The following CHRNA1 variants were observed in gnomAD, a reference collection of about 807,000 sequenced individuals.
The protein encoded by CHRNA1 is cholinergic receptor nicotinic alpha 1 subunit, also known as acetylcholine receptor subunit alpha.
CHRNA1 carries 35 observed loss-of-function variants against 47.1 expected under a neutral mutation model. The ratio of observed to expected loss-of-function variants is 0.74; its 90% confidence interval spans 0.57 to 0.99. The LOEUF (loss-of-function observed/expected upper bound fraction) is 0.99, where lower values mean the gene tolerates loss of function less well. Among genes scored for constraint, CHRNA1 ranks in the 50% least tolerant of loss-of-function variants. The pLI is 0.00. For missense variants in CHRNA1, 506 were observed against 591.1 expected (o/e 0.86, Z 1.49); for synonymous variants, 229 against 223.6 (o/e 1.02, Z -0.22).
Position 174,757,635 on chromosome 2 carries a change from T to C in CHRNA1, c.275A>G (p.Tyr92Cys). ...DYNLKWNPDD[Y>C]GGVKKIHIPS... ...AATGTGAATTTTTTTCACACCGCCA[T>C]AGTCATCTGGATTCCATTTTAGGTT... is the stretch of plus-strand genomic sequence containing the variant. The change falls in exon 4 of 9, where the codon TAT becomes TGT. Residue 92 changes from tyrosine (Y) to cysteine (C), a missense_variant. By Grantham distance (194) the Tyr-to-Cys change is radical (BLOSUM62 -2). Coordinates refer to ENST00000348749, the MANE Select transcript of CHRNA1 (RefSeq NM_000079.4). The C allele has an allele frequency of 1.2e-6, 2 of 1,614,182 alleles. No individual in the cohort carries two copies. Among genetic ancestry groups the C allele is most frequent in the Non-Finnish European group, 1.7e-6 (2 of 1,180,010 alleles).
chr2:174,758,111 A>C, intron 3 of CHRNA1: 1 of 1,594,532 alleles, frequency 6.3e-7, no homozygotes, highest in Non-Finnish European at 8.6e-7. Context: ...ATATTTTTCT[A>C]CATTATAAAA....
chr2:174,758,968 G>GC lies in CHRNA1; in HGVS notation c.234+362_234+363insG, dbSNP rs201399780. 6.5e-3 allele frequency among the ~76,000 whole-genome samples: 988 copies of GC among 152,208 alleles called. 10 individuals are homozygous for GC. Among genetic ancestry groups the GC allele is most frequent in the African/African-American group, 0.023 (942 of 41,500 alleles). The stretch of plus-strand genomic sequence containing the variant: ...AGAACGCCATCTGAACATAAAGACA[G>GC]TCATCTACAAGCTGAAGAGAGAGTC... On this transcript the variant is annotated intron_variant, in intron 3 of 8. Transcript: ENST00000348749.
intron 4 of CHRNA1, among the ~76,000 whole-genome samples, chr2:174,755,621 T>C (rs1405814957): frequency 6.6e-6 from 1 of 152,100 alleles, no homozygotes; most frequent in Non-Finnish European, 1.5e-5. Flanking sequence ...GGTTTCACCA[T>C]GTTAGCCAGG....
intron 6 of CHRNA1, among the ~76,000 whole-genome samples, chr2:174,751,646 T>A (rs1199975237): frequency 6.6e-6 from 1 of 151,946 alleles, no homozygotes; most frequent in Non-Finnish European, 1.5e-5. Context: ...TGCTAAGTGC[T>A]TTTCTTTTTT....
chr2:174,753,636 G>A lies in CHRNA1; in HGVS notation c.645C>T (p.Asp215=), dbSNP rs761217101. ...GGTAGGTGATGTCCAGGTAGGGGGTGTCGGGGCAGCAGGAATAGGTCACGG... is the reference window on the plus strand; with the variant it reads ...GGTAGGTGATGTCCAGGTAGGGGGTATCGGGGCAGCAGGAATAGGTCACGG... The part of the protein sequence containing the change: ...KHSVTYSCCP[D]TPYLDITYHF... The change falls in exon 6 of 9, where the codon GAC becomes GAT. Residue 215 remains aspartate, a synonymous_variant. Coordinates refer to ENST00000348749, the MANE Select transcript of CHRNA1 (RefSeq NM_000079.4). The A allele has an allele frequency of 6.2e-7, 1 of 1,614,046 alleles. No homozygotes were observed. Among genetic ancestry groups the A allele is most frequent in the Non-Finnish European group, 8.5e-7 (1 of 1,180,038 alleles).
chr2:174,750,143 C>T lies in CHRNA1; in HGVS notation c.805G>A (p.Val269Ile), dbSNP rs137852803. 6.2e-7 allele frequency: 1 copy of T among 1,608,632 alleles called. No individual in the cohort carries two copies. The highest frequency in any genetic ancestry group is 1.1e-5 in the South Asian group (1 of 90,868). The change falls in exon 7 of 9, where the codon GTC (valine) becomes ATC (isoleucine). Residue 269 changes from valine (V) to isoleucine (I), a missense_variant. Coordinates refer to ENST00000348749, the MANE Select transcript of CHRNA1 (RefSeq NM_000079.4). ...SGEKMTLSIS[V>I]LLSLTVFLLV... Reference sequence around the variant, plus strand: ...AGGAACACAGTCAAAGACAGTAAGACAGAGATGCTCAGAGTCATCTTCTCC... The same window carrying T: ...AGGAACACAGTCAAAGACAGTAAGATAGAGATGCTCAGAGTCATCTTCTCC...
At chr2:174,757,056 G>A (rs1683992738) in intron 4 of CHRNA1, among the ~76,000 whole-genome samples, 2 of 152,152 alleles carry the variant, frequency 1.3e-5, no homozygotes, top group African/African-American at 4.8e-5. Flanking sequence ...AGTGGATGTC[G>A]AGAAGGTGTT....
intron 7 of CHRNA1, among the ~76,000 whole-genome samples, chr2:174,749,627 C>A (rs1032053547): frequency 1.5e-4 from 23 of 152,146 alleles, no homozygotes; most frequent in Non-Finnish European, 2.6e-4. Context: ...GGAAAACATA[C>A]AAAAGAAATC....
chr2:174,754,279 C>T lies in CHRNA1; in HGVS notation c.480G>A (p.Gln160=), dbSNP rs762523171. 3 of 1,614,182 alleles carry T rather than the reference C, an allele frequency of 1.9e-6. No homozygotes were observed. Among genetic ancestry groups the T allele is most frequent in the Non-Finnish European group, 1.7e-6 (2 of 1,180,036 alleles). The change falls in exon 5 of 9, where the codon CAG becomes CAA. Residue 160 remains glutamine, a synonymous_variant. Transcript: ENST00000348749. ...AGGTGCCCAGCTTCATGCTGCAGTT[C>T]TGTTCATCAAAGGGAAAGTGGGTGA... The part of the protein sequence containing the change: ...IIVTHFPFDE[Q]NCSMKLGTWT...
At chr2:174,760,919 C>G (rs1252886662) in intron 1 of CHRNA1, among the ~76,000 whole-genome samples, 1 of 150,578 alleles carries the variant, frequency 6.6e-6, no homozygotes, top group Non-Finnish European at 1.5e-5. Flanking sequence ...AACCCACGGC[C>G]CCCTTTTCTA....
chr2:174,750,107 C>A lies in CHRNA1; in HGVS notation c.841G>T (p.Val281Leu). The A allele has an allele frequency of 6.2e-7, 1 of 1,613,470 alleles. No homozygotes were observed. Among genetic ancestry groups the A allele is most frequent in the East Asian group, 2.2e-5 (1 of 44,850 alleles). The change falls in exon 7 of 9, where the codon GTG (valine) becomes TTG (leucine). Residue 281 changes from valine (V) to leucine (L), a missense_variant. By Grantham distance (32) the Val-to-Leu change is conservative. Transcript: ENST00000348749. ...CTGGACGTGGAGGGGATCAGCTCCA[C>A]GATGACCAGAAGGAACACAGTCAAA... ...LSLTVFLLVI[V>L]ELIPSTSSAV...
intron 1 of CHRNA1, among the ~76,000 whole-genome samples, chr2:174,762,846 G>A (rs1684123402): frequency 1.3e-5 from 2 of 152,208 alleles, no homozygotes; most frequent in Admixed American, 6.5e-5. Flanking sequence ...GGTTCCATTT[G>A]TATTTGTATG....
chr2:174,761,954 A>T (rs1047571701), intron 1 of CHRNA1, among the ~76,000 whole-genome samples: 11 of 152,206 alleles, frequency 7.2e-5, no homozygotes, highest in African/African-American at 2.7e-4. Flanking sequence ...CCAGTTTGAC[A>T]GGAAGAACAT....
In CHRNA1 at chr2:174,759,313, A is replaced by G; in HGVS notation, c.234+18T>C. ...TGTGAATGAAAACGACACACATGCA[A>G]TTATCTGGCTAAGTTACCTGTTTCA... On this transcript the variant is annotated intron_variant, in intron 3 of 8. Transcript: ENST00000348749. The G allele has an allele frequency of 6.2e-7, 1 of 1,613,778 alleles. No individual in the cohort carries two copies. The highest frequency in any genetic ancestry group is 2.2e-5 in the East Asian group (1 of 44,876).
intron 6 of CHRNA1, among the ~76,000 whole-genome samples, chr2:174,751,899 C>A (rs1683859861): frequency 6.6e-6 from 1 of 151,960 alleles, no homozygotes; most frequent in African/African-American, 2.4e-5. Flanking sequence ...AGGCTGGTCT[C>A]AAACTCCTGA....
intron 6 of CHRNA1, among the ~76,000 whole-genome samples, chr2:174,750,748 T>C (rs1004465145): frequency 6.6e-6 from 1 of 152,070 alleles, no homozygotes; most frequent in Non-Finnish European, 1.5e-5. Context: ...GCATTTCCAT[T>C]AGAGGCTGCC....
In CHRNA1 at chr2:174,759,929, T is replaced by TACAC. The variant is rs5836472; in HGVS notation, c.44-300_44-297dup. Among the ~76,000 whole-genome samples the TACAC allele has an allele frequency of 2.6e-3, 374 of 144,068 alleles. 3 individuals are homozygous for TACAC. The highest frequency in any genetic ancestry group is 8.2e-3 in the African/African-American group (311 of 37,832). The allele number at this position is 144,068 out of a possible 152,430, so 94.5% of individuals were successfully genotyped here. The stretch of plus-strand genomic sequence containing the variant: ...GCCTGGCTGAATCAAGTTTGCCAGG[T>TACAC]ACACACACACACACACACACACACA... On this transcript the variant is annotated intron_variant, in intron 1 of 8. Transcript: ENST00000348749.
intron 5 of CHRNA1, 56 bp from the exon 6 acceptor site, chr2:174,753,796 G>T: frequency 6.5e-7 from 1 of 1,540,512 alleles, no homozygotes; most frequent in Non-Finnish European, 8.9e-7. Context: ...ATGAGGGGCA[G>T]CGTTTTGTAA....
At chr2:174,750,234 C>A in intron 6 of CHRNA1, 65 bp from the exon 7 acceptor site, 1 of 1,224,508 alleles carries the variant, frequency 8.2e-7, no homozygotes. Flanking sequence ...CTGCAGTGTT[C>A]CTCCCACCCC....
Sources: allele counts gnomAD v4.1 joint callset (sites outside exome capture counted in the v4.1 genomes callset), GRCh38; gene constraint gnomAD v4.1.1; transcripts MANE v1.5; gene names NCBI Gene and HGNC (gene_info 2026-07-23, HGNC 2026-07-21).